LARGE1: variants seen among roughly 807,000 people sequenced by gnomAD.
The protein encoded by LARGE1 is xylosyl- and glucuronyltransferase LARGE1.
Under a neutral mutation model 87.6 loss-of-function variants are expected in LARGE1, and 43 were observed. The ratio of observed to expected loss-of-function variants is 0.49; its 90% confidence interval spans 0.38 to 0.63. The LOEUF is 0.63. Among genes scored for constraint, LARGE1 ranks in the 30% least tolerant of loss-of-function variants. The pLI, the probability that LARGE1 is intolerant of heterozygous loss-of-function variation, is 0.00. For missense variants in LARGE1, 802 were observed against 1,000.2 expected, an observed-to-expected ratio of 0.80 and a Z score of 2.67; for synonymous variants, 434 against 394.6, an observed-to-expected ratio of 1.10 and a Z score of -1.18.
At chr22:33,436,827 G>T (rs1004070953) in intron 6 of LARGE1, among the ~76,000 whole-genome samples, 1 of 152,164 alleles carries the variant, frequency 6.6e-6, no homozygotes, top group African/African-American at 2.4e-5. Context: ...GGCTGTGGTT[G>T]TCTAGTACTT....
chr22:33,404,947 C>G (rs564848728), intron 7 of LARGE1, among the ~76,000 whole-genome samples: 1 of 152,148 alleles, frequency 6.6e-6, no homozygotes, highest in African/African-American at 2.4e-5. Flanking sequence ...TTAGTCATCA[C>G]GGCCACAAAA....
intron 1 of LARGE1, among the ~76,000 whole-genome samples, chr22:33,766,806 T>TA (rs1409591332): frequency 2.0e-5 from 3 of 151,588 alleles, no homozygotes; most frequent in African/African-American, 7.3e-5. Flanking sequence ...TCCAAAGCAA[T>TA]AAATTTTATA....
At chr22:33,229,162 G>C (rs113233450) in intron 11 of LARGE1, among the ~76,000 whole-genome samples, 1,582 of 152,242 alleles carry the variant, frequency 0.01, 26 homozygotes, top group African/African-American at 0.035. Flanking sequence ...AAATTAGTGT[G>C]ACCACAAGGA....
At chr22:33,824,347 A>C (rs2062720743) in intron 1 of LARGE1, among the ~76,000 whole-genome samples, 1 of 152,232 alleles carries the variant, frequency 6.6e-6, no homozygotes, top group African/African-American at 2.4e-5. Context: ...GCAAAGGGGA[A>C]GCAAGCATGC....
At chr22:33,661,381 T>G (rs2081118288) in intron 2 of LARGE1, among the ~76,000 whole-genome samples, 1 of 151,964 alleles carries the variant, frequency 6.6e-6, no homozygotes, top group Non-Finnish European at 1.5e-5. Flanking sequence ...GCTTGGCTAA[T>G]TTTTGCATTT....
chr22:33,662,211 T>C (rs1225822368), intron 2 of LARGE1, among the ~76,000 whole-genome samples: 1 of 151,974 alleles, frequency 6.6e-6, no homozygotes, highest in Non-Finnish European at 1.5e-5. Flanking sequence ...AGGCTATGCG[T>C]CAGGTAGAAT....
At chr22:33,849,942 G>A (rs2063541672) in intron 1 of LARGE1, among the ~76,000 whole-genome samples, 1 of 152,086 alleles carries the variant, frequency 6.6e-6, no homozygotes, top group Non-Finnish European at 1.5e-5. Context: ...AGGTACAGTT[G>A]TTATCCCAAT....
chr22:33,371,758 G>A (rs1391869399), intron 9 of LARGE1, among the ~76,000 whole-genome samples: 3 of 152,164 alleles, frequency 2.0e-5, no homozygotes, highest in East Asian at 1.9e-4. Context: ...GCCGAGGTGG[G>A]TGGATCATGA....
chr22:33,696,119 A>G (rs187268428), intron 2 of LARGE1, among the ~76,000 whole-genome samples: 34 of 152,242 alleles, frequency 2.2e-4, no homozygotes, highest in Non-Finnish European at 1.6e-4. Flanking sequence ...AACACAAATT[A>G]TTTATCTATT....
intron 11 of LARGE1, among the ~76,000 whole-genome samples, chr22:33,177,209 A>G (rs1365954514): frequency 5.3e-5 from 8 of 152,172 alleles, no homozygotes; most frequent in African/African-American, 1.9e-4. Context: ...AATGTAGATG[A>G]TGGGTTGATG....
At chr22:33,196,726 G>T (rs1368986691) in intron 11 of LARGE1, among the ~76,000 whole-genome samples, 1 of 151,752 alleles carries the variant, frequency 6.6e-6, no homozygotes, top group Non-Finnish European at 1.5e-5. Flanking sequence ...GAGAGAGGGA[G>T]AGAGGAAACG....
chr22:33,227,490 G>A (rs1431889663), intron 11 of LARGE1, among the ~76,000 whole-genome samples: 1 of 152,166 alleles, frequency 6.6e-6, no homozygotes, highest in Non-Finnish European at 1.5e-5. Context: ...CTTCAAAACA[G>A]CCCTACTAGT....
At chr22:33,705,984 A>G (rs1048544597) in intron 2 of LARGE1, among the ~76,000 whole-genome samples, 3 of 152,248 alleles carry the variant, frequency 2.0e-5, no homozygotes, top group African/African-American at 7.2e-5. Context: ...ACATCACCCA[A>G]GAGTCCCACA....
At chr22:33,175,069 T>C (rs1922791076) in intron 11 of LARGE1, among the ~76,000 whole-genome samples, 1 of 152,100 alleles carries the variant, frequency 6.6e-6, no homozygotes. Context: ...GGAACATCGA[T>C]GTGAAAATCC....
rs201779439 is a variant in LARGE1 at position 33,179,529 on chromosome 22, T to C, written c.1731-12697A>G. On this transcript the variant is annotated intron_variant, in intron 11 of 11. Transcript: ENST00000608642. Reference sequence around the variant, plus strand: ...ATTTCATGACAGAAGGGCAGAGCAGTACAAGACGCATAGGTACTGTTTGGG... The same window carrying C: ...ATTTCATGACAGAAGGGCAGAGCAGCACAAGACGCATAGGTACTGTTTGGG... 3.9e-5 allele frequency among the ~76,000 whole-genome samples: 6 copies of C among 152,354 alleles called. No individual in the cohort carries two copies. The East Asian group carries it at 1.2e-3, about 29-fold the overall frequency.
intron 3 of LARGE1, among the ~76,000 whole-genome samples, chr22:33,630,353 G>C (rs73398737): frequency 0.049 from 7,424 of 152,252 alleles, 533 homozygotes; most frequent in African/African-American, 0.16. Context: ...TAACAACACA[G>C]ATATCTTCTG....
intron 1 of LARGE1, among the ~76,000 whole-genome samples, chr22:33,901,735 G>T (rs2146901518): frequency 6.6e-6 from 1 of 152,304 alleles, no homozygotes. Flanking sequence ...ATCGATGTTG[G>T]CAGATAAAGG....
chr22:33,158,943 G>T (rs1921943478), downstream of LARGE1, among the ~76,000 whole-genome samples: 1 of 152,070 alleles, frequency 6.6e-6, no homozygotes, highest in Non-Finnish European at 1.5e-5. Flanking sequence ...AAAGCAGAAG[G>T]TTAAATAATG....
At chr22:33,403,061 A>AACG (rs1003213218) in intron 7 of LARGE1, among the ~76,000 whole-genome samples, 1 of 151,944 alleles carries the variant, frequency 6.6e-6, no homozygotes, top group African/African-American at 2.4e-5. Flanking sequence ...CAAAACAAAC[A>AACG]ACAACAACAA....
Sources: gnomAD v4.1 joint callset for allele counts (sites outside exome capture counted in the v4.1 genomes callset) on GRCh38, gnomAD v4.1.1 for gene constraint, MANE v1.5 for transcripts, NCBI Gene and HGNC (gene_info 2026-07-23, HGNC 2026-07-21) for gene names.